The following CDK14 variants were observed in gnomAD, a reference collection of about 807,000 sequenced individuals.
The protein encoded by CDK14 is cyclin dependent kinase 14, also known as cyclin-dependent kinase 14.
In CDK14, 34 loss-of-function variants were observed where a neutral mutation model predicts 60.7. The observed-to-expected ratio is 0.56, with a 90% CI of 0.43 to 0.75. CDK14 has a LOEUF of 0.75. CDK14 is among the 30% of genes least tolerant of loss of function. The probability of loss-of-function intolerance (pLI) is 0.00; values close to 1 mark genes in which losing one functional copy is unlikely to be tolerated. For synonymous variants in CDK14, 197 were observed against 203.7 expected (o/e 0.97, Z 0.28); for missense variants, 482 against 564.1 (o/e 0.85, Z 1.47).
intron 3 of CDK14, among the ~76,000 whole-genome samples, chr7:90,727,745 A>C (rs1449422687): frequency 6.6e-6 from 1 of 152,162 alleles, no homozygotes; most frequent in African/African-American, 2.4e-5. Context: ...CAGATAATCT[A>C]TCAGTTTTTC....
chr7:90,885,707 C>A (rs1326146134), intron 6 of CDK14, among the ~76,000 whole-genome samples: 1 of 152,178 alleles, frequency 6.6e-6, no homozygotes, highest in Non-Finnish European at 1.5e-5. Context: ...AAATGTGGCA[C>A]ATATACACCA....
chr7:90,940,871 A>G (rs1158001288), intron 8 of CDK14, among the ~76,000 whole-genome samples: 5 of 152,314 alleles, frequency 3.3e-5, no homozygotes, highest in African/African-American at 4.8e-5. Context: ...ATGTATATAT[A>G]TGATAAACAC....
chr7:90,836,764 A>G (rs1319589119), intron 5 of CDK14, among the ~76,000 whole-genome samples: 2 of 152,266 alleles, frequency 1.3e-5, no homozygotes, highest in Non-Finnish European at 2.9e-5. Context: ...TTGCACCAGC[A>G]TCACACAAAC....
At chr7:90,831,650 C>T (rs189111892) in intron 5 of CDK14, among the ~76,000 whole-genome samples, 1 of 152,040 alleles carries the variant, frequency 6.6e-6, no homozygotes, top group Admixed American at 6.6e-5. Flanking sequence ...GGCTGCCATT[C>T]TCTCTTGCTT....
At chr7:90,738,568 A>T (rs964548172) in intron 3 of CDK14, among the ~76,000 whole-genome samples, 1 of 152,234 alleles carries the variant, frequency 6.6e-6, no homozygotes, top group African/African-American at 2.4e-5. Context: ...AAGTGTTAAC[A>T]TCATCTCATT....
At chr7:90,722,468 A>G (rs2116693236) in intron 2 of CDK14, among the ~76,000 whole-genome samples, 1 of 152,088 alleles carries the variant, frequency 6.6e-6, no homozygotes, top group East Asian at 1.9e-4. Flanking sequence ...AGCTTCCCAA[A>G]TGCTGGGACT....
At chr7:90,710,312 A>G (rs1295919255) in intron 2 of CDK14, 32 of 985,190 alleles carry the variant, frequency 3.2e-5, no homozygotes, top group African/African-American at 3.5e-5. Context: ...TTACAGCTGA[A>G]AGAGATCTTA....
At chr7:90,679,911 C>T (rs891386425) in intron 2 of CDK14, among the ~76,000 whole-genome samples, 1 of 152,252 alleles carries the variant, frequency 6.6e-6, no homozygotes. Flanking sequence ...GGATGAATGT[C>T]TCCAACTCAA....
chr7:90,854,625 A>T (rs1790759804), intron 5 of CDK14, among the ~76,000 whole-genome samples: 1 of 152,100 alleles, frequency 6.6e-6, no homozygotes, highest in Non-Finnish European at 1.5e-5. Context: ...ACCAGAAAAC[A>T]TAAGGGGCTT....
chr7:91,170,652 T>A (rs1022864895), intron 14 of CDK14, among the ~76,000 whole-genome samples: 2 of 152,178 alleles, frequency 1.3e-5, no homozygotes, highest in South Asian at 4.1e-4. Flanking sequence ...TGTATTCAAT[T>A]ATTTACAATG....
chr7:90,703,407 G>A (rs1365121592), intron 2 of CDK14, among the ~76,000 whole-genome samples: 3 of 152,132 alleles, frequency 2.0e-5, no homozygotes, highest in African/African-American at 7.2e-5. Flanking sequence ...TTGTGTTTCT[G>A]CTTAGGGTGT....
At chr7:91,105,183 T>A (rs1254918974) in intron 12 of CDK14, among the ~76,000 whole-genome samples, 1 of 152,180 alleles carries the variant, frequency 6.6e-6, no homozygotes, top group African/African-American at 2.4e-5. Context: ...AATCAAATGC[T>A]AAAGTTGCAG....
intron 5 of CDK14, among the ~76,000 whole-genome samples, chr7:90,833,888 G>A (rs1164910890): frequency 1.3e-5 from 2 of 152,062 alleles, no homozygotes; most frequent in African/African-American, 4.8e-5. Context: ...TTTATAAATT[G>A]GCTTGCATTT....
intron 6 of CDK14, among the ~76,000 whole-genome samples, chr7:90,891,306 G>A (rs1446945073): frequency 6.6e-6 from 1 of 151,990 alleles, no homozygotes; most frequent in Non-Finnish European, 1.5e-5. Flanking sequence ...GATCAATCAG[G>A]GAATTTTTAT....
At chr7:91,173,956 C>T (rs557984749) in intron 14 of CDK14, among the ~76,000 whole-genome samples, 1 of 152,310 alleles carries the variant, frequency 6.6e-6, no homozygotes, top group South Asian at 2.1e-4. Context: ...GAGCCCACCA[C>T]AGCTCAAGGA....
chr7:90,958,203 A>G (rs1420822480), intron 9 of CDK14, among the ~76,000 whole-genome samples: 2 of 152,110 alleles, frequency 1.3e-5, no homozygotes, highest in Admixed American at 6.6e-5. Context: ...CTCATGATCT[A>G]GGGCACAGTG....
At chr7:91,096,055 C>A (rs1798975827) in intron 12 of CDK14, among the ~76,000 whole-genome samples, 2 of 81,940 alleles carry the variant, frequency 2.4e-5, no homozygotes, top group African/African-American at 4.9e-5. Flanking sequence ...TCTATATTAC[C>A]ACAATTTGCC....
chr7:91,103,169 CT>C (rs1799191815), intron 12 of CDK14, among the ~76,000 whole-genome samples: 2 of 152,068 alleles, frequency 1.3e-5, no homozygotes, highest in African/African-American at 4.8e-5. Context: ...AGGAGAATCG[CT>C]GGAACCCAGT....
intron 5 of CDK14, among the ~76,000 whole-genome samples, chr7:90,793,907 A>G (rs1298182987): frequency 2.0e-5 from 3 of 152,188 alleles, no homozygotes; most frequent in Admixed American, 2.0e-4. Context: ...CCCTTTCAAT[A>G]AAAGTTTGTC....
Sources: gnomAD v4.1 joint callset for allele counts (sites outside exome capture counted in the v4.1 genomes callset) on GRCh38, gnomAD v4.1.1 for gene constraint, MANE v1.5 for transcripts, NCBI Gene and HGNC (gene_info 2026-07-23, HGNC 2026-07-21) for gene names.